The following AOAH variants were observed in gnomAD, a reference collection of about 807,000 sequenced individuals.
AOAH encodes the protein acyloxyacyl hydrolase.
Under a neutral mutation model 92.2 loss-of-function variants are expected in AOAH, and 64 were observed. That is an observed-to-expected ratio of 0.69 (90% CI 0.57 to 0.86). AOAH has a LOEUF of 0.86. Among genes scored for constraint, AOAH ranks in the 40% least tolerant of loss-of-function variants. AOAH has a pLI of 0.00. For synonymous variants in AOAH, 263 were observed against 254.5 expected, an observed-to-expected ratio of 1.03 and a Z score of -0.32; for missense variants, 656 against 694.6, an observed-to-expected ratio of 0.94 and a Z score of 0.62.
rs1221025619 is a variant in AOAH, at chr7:36,654,131, A to ATG, written c.390+5034_390+5035insCA. Among the ~76,000 whole-genome samples the ATG allele has an allele frequency of 1.3e-4, 20 of 151,684 alleles. 1 individual carries two copies. Among genetic ancestry groups the ATG allele is most frequent in the Admixed American group, 1.2e-3 (19 of 15,244 alleles). Reference sequence around the variant, plus strand: ...TGCATCCCTGTGCGTGTGTGCGTACACACACACACACACAGCAGCAGCAAT... The same window carrying ATG: ...TGCATCCCTGTGCGTGTGTGCGTACATGCACACACACACACAGCAGCAGCAAT... On this transcript the variant is annotated intron_variant, in intron 4 of 20. Coordinates refer to ENST00000617537, the MANE Select transcript of AOAH (RefSeq NM_001637.4).
chr7:36,559,561 T>C (rs911508615), intron 13 of AOAH, among the ~76,000 whole-genome samples: 1 of 152,224 alleles, frequency 6.6e-6, no homozygotes, highest in East Asian at 1.9e-4. Flanking sequence ...GAGAAGTATC[T>C]GTTCATGTCT....
intron 12 of AOAH, among the ~76,000 whole-genome samples, chr7:36,583,361 T>C (rs1789075095): frequency 6.6e-6 from 1 of 152,200 alleles, no homozygotes; most frequent in Non-Finnish European, 1.5e-5. Context: ...GATAACTTTC[T>C]TTCTAATGTG....
At chr7:36,629,911 T>C (rs1051209492) in intron 6 of AOAH, among the ~76,000 whole-genome samples, 1 of 152,152 alleles carries the variant, frequency 6.6e-6, no homozygotes, top group African/African-American at 2.4e-5. Flanking sequence ...TGACCTTATT[T>C]GGAAACAGGG....
Position 36,701,106 on chromosome 7 carries a change from C to T in AOAH, c.128-14312G>A, listed in dbSNP as rs527347094. Among the ~76,000 whole-genome samples, 7 of 151,926 alleles carry T rather than the reference C, an allele frequency of 4.6e-5. No homozygotes were observed. In the South Asian group the frequency reaches 1.5e-3, roughly 32 times the overall value. ...AGGAGGTGTGTTGTATTACTTCCAC[C>T]TATTGTGGTATTTCCAAACTTTTTT... On this transcript the variant is annotated intron_variant, in intron 1 of 20. Coordinates refer to ENST00000617537, the MANE Select transcript of AOAH (RefSeq NM_001637.4).
intron 4 of AOAH, among the ~76,000 whole-genome samples, chr7:36,651,874 C>T (rs1244377445): frequency 6.6e-6 from 1 of 152,174 alleles, no homozygotes; most frequent in African/African-American, 2.4e-5. Flanking sequence ...TATGAGCTCA[C>T]ATCCACATAC....
intron 5 of AOAH, among the ~76,000 whole-genome samples, chr7:36,634,698 G>A (rs1793397638): frequency 6.6e-6 from 1 of 152,202 alleles, no homozygotes; most frequent in Non-Finnish European, 1.5e-5. Flanking sequence ...CCAAAGTCAG[G>A]TTGCATTTGA....
intron 13 of AOAH, among the ~76,000 whole-genome samples, chr7:36,559,921 A>AT (rs546743410): frequency 1.3e-5 from 2 of 152,178 alleles, no homozygotes; most frequent in Non-Finnish European, 2.9e-5. Context: ...ATGGTGAAAG[A>AT]TAGGGGTCCA....
intron 6 of AOAH, among the ~76,000 whole-genome samples, chr7:36,631,687 C>A (rs1793115920): frequency 6.6e-6 from 1 of 152,170 alleles, no homozygotes; most frequent in Admixed American, 6.5e-5. Flanking sequence ...CCCAGTTGCC[C>A]ACCCTGGTCC....
intron 2 of AOAH, among the ~76,000 whole-genome samples, chr7:36,679,815 G>A (rs1796530455): frequency 2.0e-5 from 3 of 151,968 alleles, no homozygotes; most frequent in Non-Finnish European, 2.9e-5. Flanking sequence ...ATGTTACCAC[G>A]CCCAGTTAAT....
intron 7 of AOAH, among the ~76,000 whole-genome samples, chr7:36,621,999 G>A (rs116485371): frequency 0.029 from 4,360 of 152,194 alleles, 202 homozygotes; most frequent in African/African-American, 0.1. Flanking sequence ...TCAGGTGGTA[G>A]GGTGTGTGCA....
At chr7:36,555,536 A>C (rs1186125863) in intron 13 of AOAH, among the ~76,000 whole-genome samples, 1 of 151,940 alleles carries the variant, frequency 6.6e-6, no homozygotes, top group Non-Finnish European at 1.5e-5. Context: ...TTTTCTATTG[A>C]TTGGAATAGT....
chr7:36,622,690 G>T (rs1792367770), intron 7 of AOAH, among the ~76,000 whole-genome samples: 1 of 152,226 alleles, frequency 6.6e-6, no homozygotes, highest in Non-Finnish European at 1.5e-5. Context: ...AACAAAACCA[G>T]TCTGGGCCTA....
chr7:36,649,322 G>T (rs1453019017), intron 4 of AOAH, among the ~76,000 whole-genome samples: 1 of 152,126 alleles, frequency 6.6e-6, no homozygotes, highest in African/African-American at 2.4e-5. Flanking sequence ...GGGTTACTAG[G>T]CCTTCTCATT....
rs557508557 is a variant in AOAH at position 36,530,069 on chromosome 7, A to G, written c.1522+349T>C. 2.0e-5 allele frequency among the ~76,000 whole-genome samples: 3 copies of G among 152,256 alleles called. No individual in the cohort carries two copies. In the South Asian group the frequency reaches 6.2e-4, roughly 32 times the overall value. On this transcript the variant is annotated intron_variant, in intron 19 of 20. Coordinates refer to ENST00000617537, the MANE Select transcript of AOAH (RefSeq NM_001637.4). Reference sequence around the variant, plus strand: ...TGCCACCATATCCCTCATTTCTGTCACATCCATCAGGTAACCAGGGCTTTT... The same window carrying G: ...TGCCACCATATCCCTCATTTCTGTCGCATCCATCAGGTAACCAGGGCTTTT...
chr7:36,553,709 G>A (rs1786463442), intron 13 of AOAH, among the ~76,000 whole-genome samples: 2 of 151,950 alleles, frequency 1.3e-5, no homozygotes. Context: ...TCTCATTGTG[G>A]TTTTGATTTG....
chr7:36,519,280 G>C (rs1041897373), intron 20 of AOAH, among the ~76,000 whole-genome samples: 1 of 152,188 alleles, frequency 6.6e-6, no homozygotes, highest in African/African-American at 2.4e-5. Flanking sequence ...CACACTGAGC[G>C]CTTTTATTTC....
chr7:36,595,904 G>A (rs1312173540), intron 11 of AOAH, among the ~76,000 whole-genome samples: 1 of 152,152 alleles, frequency 6.6e-6, no homozygotes, highest in Non-Finnish European at 1.5e-5. Flanking sequence ...TTAAAATAAA[G>A]TAATGTCTAA....
intron 16 of AOAH, among the ~76,000 whole-genome samples, chr7:36,537,141 C>A (rs536389047): frequency 2.6e-5 from 4 of 151,990 alleles, no homozygotes; most frequent in African/African-American, 9.6e-5. Flanking sequence ...ATTTATTTCC[C>A]ATGGCAACCA....
intron 16 of AOAH, among the ~76,000 whole-genome samples, chr7:36,534,457 T>A (rs935181441): frequency 1.1e-4 from 16 of 152,228 alleles, no homozygotes; most frequent in South Asian, 1.0e-3. Context: ...AATGAATCAG[T>A]GTCCCTCCTG....
Sources: allele counts gnomAD v4.1 joint callset (sites outside exome capture counted in the v4.1 genomes callset), GRCh38; gene constraint gnomAD v4.1.1; transcripts MANE v1.5; gene names NCBI Gene and HGNC (gene_info 2026-07-23, HGNC 2026-07-21).